Variants in DAAM1 observed in about 807,000 individuals in gnomAD.
The protein encoded by DAAM1 is dishevelled associated activator of morphogenesis 1, also known as disheveled-associated activator of morphogenesis 1.
A neutral mutation model predicts 130.0 loss-of-function variants in DAAM1; 52 were observed. The ratio of observed to expected loss-of-function variants is 0.40; its 90% CI spans 0.32 to 0.50. DAAM1 has a LOEUF of 0.50. DAAM1 is among the 20% of genes least tolerant of loss of function. The pLI, the probability that DAAM1 is intolerant of heterozygous loss-of-function variation, is 0.61. For missense variants in DAAM1, 1,134 were observed against 1,303.8 expected, an observed-to-expected ratio of 0.87 and a Z score of 2.01; for synonymous variants, 452 against 444.5, an observed-to-expected ratio of 1.02 and a Z score of -0.21.
intron 23 of DAAM1, among the ~76,000 whole-genome samples, chr14:59,365,137 A>C (rs377586734): frequency 6.6e-6 from 1 of 152,242 alleles, no homozygotes; most frequent in Non-Finnish European, 1.5e-5. Context: ...CTAGCAGAAC[A>C]TAAAGACCTG....
chr14:59,332,007 G>A (rs1885462278), intron 15 of DAAM1, 87 bp downstream of exon 15: 3 of 1,137,864 alleles, frequency 2.6e-6, no homozygotes, highest in Non-Finnish European at 3.9e-6. Context: ...TGGCCGTGAT[G>A]TGACCGGCAT....
At chr14:59,309,867 T>G (rs1478674541) in intron 3 of DAAM1, among the ~76,000 whole-genome samples, 1 of 152,226 alleles carries the variant, frequency 6.6e-6, no homozygotes, top group Non-Finnish European at 1.5e-5. Context: ...TCTGTGCTTC[T>G]CTTTCTCTGT....
At chr14:59,368,186 G>A (rs1594856894) in intron 24 of DAAM1, among the ~76,000 whole-genome samples, 1 of 140,644 alleles carries the variant, frequency 7.1e-6, no homozygotes, top group Non-Finnish European at 1.5e-5. Context: ...TCTACAATGT[G>A]TATGTATTAG....
intron 2 of DAAM1, among the ~76,000 whole-genome samples, chr14:59,288,235 T>A (rs1883549950): frequency 6.6e-6 from 1 of 152,112 alleles, no homozygotes; most frequent in African/African-American, 2.4e-5. Flanking sequence ...AAGATTGAAA[T>A]TGGACCCCTT....
At chr14:59,250,813 T>A (rs576353524) in intron 1 of DAAM1, among the ~76,000 whole-genome samples, 2 of 152,256 alleles carry the variant, frequency 1.3e-5, no homozygotes, top group South Asian at 4.1e-4. Flanking sequence ...GGTAGGTACA[T>A]ACATATTGCT....
chr14:59,224,297 A>G (rs1480859665), intron 1 of DAAM1, among the ~76,000 whole-genome samples: 1 of 152,190 alleles, frequency 6.6e-6, no homozygotes, highest in Non-Finnish European at 1.5e-5. Flanking sequence ...TCCAAGATCC[A>G]TTTGTCTTCT....
chr14:59,202,955 T>C (rs1021348507), intron 1 of DAAM1, among the ~76,000 whole-genome samples: 1 of 152,018 alleles, frequency 6.6e-6, no homozygotes, highest in Non-Finnish European at 1.5e-5. Context: ...TAGCGTAGTA[T>C]TGAAGAAAGA....
At chr14:59,258,428 T>C (rs1460977027) in intron 1 of DAAM1, among the ~76,000 whole-genome samples, 1 of 152,216 alleles carries the variant, frequency 6.6e-6, no homozygotes, top group Non-Finnish European at 1.5e-5. Context: ...GCCCACCTCC[T>C]TCCATCTTAA....
At chr14:59,222,632 G>C (rs1416236307) in intron 1 of DAAM1, among the ~76,000 whole-genome samples, 2 of 152,186 alleles carry the variant, frequency 1.3e-5, no homozygotes, top group African/African-American at 2.4e-5. Context: ...CAAGTGGCTG[G>C]GAAAAGAGGC....
chr14:59,271,426 A>T (rs1286877543), intron 2 of DAAM1, among the ~76,000 whole-genome samples: 1 of 152,230 alleles, frequency 6.6e-6, no homozygotes, highest in Non-Finnish European at 1.5e-5. Flanking sequence ...TACTGAGGAC[A>T]TTCGCAGGAT....
intron 1 of DAAM1, among the ~76,000 whole-genome samples, chr14:59,226,506 C>A (rs896684623): frequency 3.9e-5 from 6 of 152,124 alleles, no homozygotes; most frequent in African/African-American, 1.4e-4. Context: ...CATCTTAGGT[C>A]TGCTCAGCAT....
chr14:59,219,403 C>T (rs1318223877), intron 1 of DAAM1, among the ~76,000 whole-genome samples: 1 of 152,192 alleles, frequency 6.6e-6, no homozygotes, highest in East Asian at 1.9e-4. Context: ...CATCGGCATG[C>T]TGTAGTCAGT....
At chr14:59,219,390 G>A (rs1265129308) in intron 1 of DAAM1, among the ~76,000 whole-genome samples, 3 of 152,088 alleles carry the variant, frequency 2.0e-5, no homozygotes, top group African/African-American at 2.4e-5. Context: ...ACCTCTGGGG[G>A]GACATCGGCA....
At chr14:59,235,821 A>G (rs1889278368) in intron 1 of DAAM1, among the ~76,000 whole-genome samples, 2 of 152,072 alleles carry the variant, frequency 1.3e-5, no homozygotes, top group South Asian at 2.1e-4. Flanking sequence ...CTGTGTCCCA[A>G]AGATTCTGGT....
intron 1 of DAAM1, among the ~76,000 whole-genome samples, chr14:59,241,830 C>G (rs959679593): frequency 1.3e-5 from 2 of 152,134 alleles, no homozygotes; most frequent in African/African-American, 4.8e-5. Flanking sequence ...GACTTTTATA[C>G]TAATCCTAGA....
intron 1 of DAAM1, among the ~76,000 whole-genome samples, chr14:59,227,134 G>A (rs780257656): frequency 1.2e-4 from 18 of 152,118 alleles, no homozygotes; most frequent in Non-Finnish European, 1.6e-4. Context: ...TTTAAAGTGC[G>A]TCTTTTACAT....
In DAAM1 at chr14:59,240,157, G is replaced by A. The variant is rs184034025; in HGVS notation, c.-37-23284G>A. ...TGAAAGATGTGAGATTGTGGCTAGA[G>A]GGGGGTATGGCTTGAGATGAGACAG... is the stretch of plus-strand genomic sequence containing the variant. On this transcript the variant is annotated intron_variant, in intron 1 of 24. Coordinates refer to ENST00000360909, the MANE Select transcript of DAAM1 (RefSeq NM_001270520.2). 2.2e-4 allele frequency among the ~76,000 whole-genome samples: 33 copies of A among 152,294 alleles called. 1 individual carries two copies. Among genetic ancestry groups the A allele is most frequent in the African/African-American group, 7.5e-4 (31 of 41,550 alleles).
intron 1 of DAAM1, among the ~76,000 whole-genome samples, chr14:59,257,236 A>G (rs1402529158): frequency 6.6e-6 from 1 of 152,212 alleles, no homozygotes; most frequent in Non-Finnish European, 1.5e-5. Flanking sequence ...TCTGACATTC[A>G]GAGGTGAGAC....
chr14:59,209,385 T>C (rs140167176), intron 1 of DAAM1, among the ~76,000 whole-genome samples: 1 of 152,190 alleles, frequency 6.6e-6, no homozygotes, highest in Non-Finnish European at 1.5e-5. Context: ...GATAAATTCA[T>C]AGAAATAAAT....
Sources: allele counts gnomAD v4.1 joint callset (sites outside exome capture counted in the v4.1 genomes callset), GRCh38; gene constraint gnomAD v4.1.1; transcripts MANE v1.5; gene names NCBI Gene and HGNC (gene_info 2026-07-23, HGNC 2026-07-21).